The following ABCG2 variants were observed in gnomAD, a reference collection of about 807,000 sequenced individuals.
ABCG2 encodes the protein ATP binding cassette subfamily G member 2 (JR blood group), also known as broad substrate specificity ATP-binding cassette transporter ABCG2.
Under a neutral mutation model 73.5 loss-of-function variants are expected in ABCG2, and 80 were observed. The observed-to-expected ratio is 1.09, with a 90% CI of 0.91 to 1.31. ABCG2 has a LOEUF of 1.31. Among genes scored for constraint, ABCG2 ranks in the 50% most tolerant of loss-of-function variants. The pLI, the probability that ABCG2 is intolerant of heterozygous loss-of-function variation, is 0.00. For synonymous variants in ABCG2, 269 were observed against 282.4 expected (o/e 0.95, Z 0.48); for missense variants, 796 against 786.2 (o/e 1.01, Z -0.15).
chr4:88,167,370 CTTTTT>C (rs551648302), intron 1 of ABCG2, among the ~76,000 whole-genome samples: 1 of 101,446 alleles, frequency 9.9e-6, no homozygotes, highest in African/African-American at 4.0e-5. Context: ...TCCCTTCTGC[CTTTTT>C]TTTTTTTTTT....
chr4:88,094,769 A>T (rs781380393), intron 14 of ABCG2, 110 bp from the exon 15 acceptor site: 5 of 839,860 alleles, frequency 6.0e-6, no homozygotes, highest in Non-Finnish European at 9.7e-6. Flanking sequence ...GTTATTTCTA[A>T]AAACATATTC....
intron 1 of ABCG2, among the ~76,000 whole-genome samples, chr4:88,200,763 C>T (rs1267900011): frequency 6.6e-6 from 1 of 152,118 alleles, no homozygotes; most frequent in Non-Finnish European, 1.5e-5. Context: ...CCACCTGCCT[C>T]AGCCTCCCAA....
In ABCG2 at chr4:88,225,056, T is replaced by C. The variant is rs556953943; in HGVS notation, c.-20+5938A>G. Among the ~76,000 whole-genome samples, 6 of 152,326 alleles carry C rather than the reference T, an allele frequency of 3.9e-5. No homozygotes were observed. The South Asian group carries it at 8.3e-4, about 21-fold the overall frequency. On this transcript the variant is annotated intron_variant, in intron 1 of 15. Transcript: ENST00000515655. The stretch of plus-strand genomic sequence containing the variant: ...CCATTGATCTGGATGTCTGTCTTTA[T>C]GTTAGGACCACACTGTTTTGATTAC...
intron 1 of ABCG2, among the ~76,000 whole-genome samples, chr4:88,215,602 T>C (rs1560462923): frequency 6.6e-6 from 1 of 152,190 alleles, no homozygotes; most frequent in Non-Finnish European, 1.5e-5. Context: ...GTGCTTTCAT[T>C]TCAGTGGGAA....
chr4:88,182,905 G>A (rs1332929587), intron 1 of ABCG2, among the ~76,000 whole-genome samples: 1 of 151,742 alleles, frequency 6.6e-6, no homozygotes, highest in African/African-American at 2.4e-5. Context: ...CTAACACAGT[G>A]AAACCCCGTC....
upstream of ABCG2, among the ~76,000 whole-genome samples, chr4:88,160,616 G>A (rs1328502127): frequency 1.3e-5 from 2 of 152,074 alleles, no homozygotes; most frequent in African/African-American, 4.8e-5. Context: ...TTGGGAGGCC[G>A]AGGCAGGTGG....
intron 14 of ABCG2, 74 bp from the exon 15 acceptor site, chr4:88,094,733 C>T (rs1178204295): frequency 4.4e-6 from 5 of 1,127,190 alleles, no homozygotes; most frequent in Non-Finnish European, 6.7e-6. Context: ...TTATCACAAT[C>T]ATGCCCTCTG....
At chr4:88,116,146 G>C (rs1723564907) in intron 7 of ABCG2, among the ~76,000 whole-genome samples, 1 of 152,206 alleles carries the variant, frequency 6.6e-6, no homozygotes, top group African/African-American at 2.4e-5. Context: ...AGTGAGCTCT[G>C]AAAGCACCAC....
chr4:88,199,979 C>T (rs140027200), intron 1 of ABCG2, among the ~76,000 whole-genome samples: 1,639 of 152,004 alleles, frequency 0.011, 30 homozygotes, highest in African/African-American at 0.037. Context: ...CCAGCCTGGG[C>T]GACAGAGCGA....
chr4:88,099,556 C>T (rs2110183864), intron 11 of ABCG2, 108 bp from the exon 12 acceptor site: 1 of 1,168,598 alleles, frequency 8.6e-7, no homozygotes, highest in Non-Finnish European at 1.2e-6. Context: ...GTTGAACAAG[C>T]CAGCTTCCCA....
chr4:88,173,708 C>T (rs942078414), intron 1 of ABCG2, among the ~76,000 whole-genome samples: 7 of 152,002 alleles, frequency 4.6e-5, no homozygotes, highest in Non-Finnish European at 1.0e-4. Context: ...TCAAATATCT[C>T]TAATTTTTGG....
upstream of ABCG2, among the ~76,000 whole-genome samples, chr4:88,231,605 TG>T (rs759731612): frequency 3.3e-5 from 5 of 152,164 alleles, no homozygotes; most frequent in Non-Finnish European, 5.9e-5. Flanking sequence ...AAACTTCCTG[TG>T]CTTTTTTAAC....
At chr4:88,221,252 A>G (rs2904183) in intron 1 of ABCG2, among the ~76,000 whole-genome samples, 151,426 of 152,262 alleles carry the variant, frequency 0.99, 75,302 homozygotes, top group East Asian at 1. Context: ...CTAGGCAAGA[A>G]TGAAACTGTG....
In ABCG2 at chr4:88,152,773, G is replaced by T. The variant is rs571045178; in HGVS notation, c.-20+5613C>A. Among the ~76,000 whole-genome samples, 115 of 152,226 alleles carry T rather than the reference G, an allele frequency of 7.6e-4. 6 individuals carry two copies. In the South Asian group the frequency reaches 0.02, roughly 26 times the overall value. On this transcript the variant is annotated intron_variant, in intron 1 of 15. Coordinates refer to ENST00000237612, the MANE Select transcript of ABCG2 (RefSeq NM_004827.3). ...ATAAGAAAAATAAAACAAAATAGTG[G>T]TAAAGTGTTGGGGTGGTGAAAATTT...
At chr4:88,196,895 A>G in intron 1 of ABCG2, among the ~76,000 whole-genome samples, 1 of 152,132 alleles carries the variant, frequency 6.6e-6, no homozygotes, top group South Asian at 2.1e-4. Context: ...CCTTTAAGAT[A>G]AACTATCTTA....
At position 88,113,408 on chromosome 4, in the gene ABCG2, G is replaced by A. The variant is rs1013243715; in HGVS notation, c.1089C>T (p.Val363=). 2 of 1,614,132 alleles carry A rather than the reference G, an allele frequency of 1.2e-6. No homozygotes were observed. Among genetic ancestry groups the A allele is most frequent in the Non-Finnish European group, 1.7e-6 (2 of 1,180,018 alleles). Residue 363 remains valine, a synonymous_variant, in exon 9 of 16, where the codon GTC becomes GTT. Coordinates refer to ENST00000237612, the MANE Select transcript of ABCG2 (RefSeq NM_004827.3). The stretch of plus-strand genomic sequence containing the variant: ...AGGTGGTGTAGCTGATCTCCTTGAA[G>A]ACTGTGATCTTCTTCTTCTTCTCAC... ...SGGEKKKKIT[V]FKEISYTTSF... is the part of the protein sequence containing the mutation.
intron 9 of ABCG2, among the ~76,000 whole-genome samples, chr4:88,113,010 T>C (rs900959692): frequency 6.6e-6 from 1 of 152,078 alleles, no homozygotes; most frequent in African/African-American, 2.4e-5. Context: ...TTCAAGAGGC[T>C]GAGGTGTGAG....
At chr4:88,177,065 T>A (rs1212491927) in intron 1 of ABCG2, among the ~76,000 whole-genome samples, 1 of 152,108 alleles carries the variant, frequency 6.6e-6, no homozygotes, top group East Asian at 1.9e-4. Context: ...TGGTAACACA[T>A]TAAATACATT....
chr4:88,180,527 G>A (rs1338320733), intron 1 of ABCG2, among the ~76,000 whole-genome samples: 1 of 152,066 alleles, frequency 6.6e-6, no homozygotes, highest in Admixed American at 6.5e-5. Flanking sequence ...GTGAGCCCAG[G>A]AGTTCAAGAC....
Sources: allele counts gnomAD v4.1 joint callset (sites outside exome capture counted in the v4.1 genomes callset), GRCh38; gene constraint gnomAD v4.1.1; transcripts MANE v1.5; gene names NCBI Gene and HGNC (gene_info 2026-07-23, HGNC 2026-07-21).